Variants in GALNT17 observed in about 807,000 individuals in gnomAD.
GALNT17 encodes the protein UDP-GalNAc:polypeptide N-acetylgalactosaminyltransferase-like 3.
Under a neutral mutation model 63.7 loss-of-function variants are expected in GALNT17, and 29 were observed. The ratio of observed to expected loss-of-function variants is 0.46; its 90% CI spans 0.34 to 0.62. GALNT17 has a LOEUF of 0.62. Ranked by LOEUF, GALNT17 falls within the 20% of genes least tolerant of loss-of-function variation. The pLI, the probability that GALNT17 is intolerant of heterozygous loss-of-function variation, is 0.01. For synonymous variants in GALNT17, 305 were observed against 318.3 expected (o/e 0.96, Z 0.45); for missense variants, 603 against 799.6 (o/e 0.75, Z 2.97).
intron 5 of GALNT17, among the ~76,000 whole-genome samples, chr7:71,455,882 AG>A (rs1787346120): frequency 6.6e-6 from 1 of 152,202 alleles, no homozygotes; most frequent in Non-Finnish European, 1.5e-5. Flanking sequence ...ACCTAATGAA[AG>A]GCAGGGAACC....
At chr7:71,368,659 T>C (rs146387256) in intron 2 of GALNT17, among the ~76,000 whole-genome samples, 2 of 152,290 alleles carry the variant, frequency 1.3e-5, no homozygotes, top group African/African-American at 4.8e-5. Context: ...GCTGTGAGCT[T>C]TTCCAGAATA....
chr7:71,328,352 A>G (rs80077036), intron 1 of GALNT17, among the ~76,000 whole-genome samples: 2,158 of 152,262 alleles, frequency 0.014, 26 homozygotes, highest in Middle Eastern at 0.027. Flanking sequence ...AAGCCACCCC[A>G]TTCTCTTCCT....
intron 5 of GALNT17, among the ~76,000 whole-genome samples, chr7:71,449,108 C>CTTTTTTTTTTTTGTTTTTT (rs1787211684): frequency 1.4e-5 from 1 of 72,754 alleles, no homozygotes; most frequent in Non-Finnish European, 2.3e-5. Flanking sequence ...TGCCTATTTT[C>CTTTTTTTTTTTTGTTTTTT]TTTTTTTTTT....
At chr7:71,507,536 C>G (rs1788287825) in intron 5 of GALNT17, among the ~76,000 whole-genome samples, 1 of 152,202 alleles carries the variant, frequency 6.6e-6, no homozygotes, top group Non-Finnish European at 1.5e-5. Flanking sequence ...AGCACTCACC[C>G]TGGGTCCGCC....
At chr7:71,598,869 G>A (rs73702229) in intron 6 of GALNT17, among the ~76,000 whole-genome samples, 4,754 of 151,718 alleles carry the variant, frequency 0.031, 237 homozygotes, top group African/African-American at 0.11. Context: ...GAACGGGGGG[G>A]ATTGCGTGGT....
chr7:71,317,763 G>A (rs11971711), intron 1 of GALNT17, among the ~76,000 whole-genome samples: 3,019 of 152,274 alleles, frequency 0.02, 88 homozygotes, highest in African/African-American at 0.069. Flanking sequence ...TCTCCAAGAC[G>A]TTGGATTTTA....
chr7:71,554,355 GAC>G (rs1789128602), intron 5 of GALNT17, among the ~76,000 whole-genome samples: 1 of 152,212 alleles, frequency 6.6e-6, no homozygotes, highest in African/African-American at 2.4e-5. Flanking sequence ...CACCATGTAA[GAC>G]GTGACTTTGT....
chr7:71,152,095 A>AT (rs932014603), intron 1 of GALNT17, among the ~76,000 whole-genome samples: 14 of 150,722 alleles, frequency 9.3e-5, no homozygotes, highest in South Asian at 4.2e-4. Flanking sequence ...ATCCACTTTA[A>AT]TTTTTTTTTT....
chr7:71,559,449 C>A (rs1789216794), intron 5 of GALNT17, among the ~76,000 whole-genome samples: 1 of 152,096 alleles, frequency 6.6e-6, no homozygotes, highest in Admixed American at 6.5e-5. Context: ...CTGGGTTGCC[C>A]TTAGTTCTGC....
rs5884839 is a variant in GALNT17, at chr7:71,450,931, CTTT to C, written c.962+29836_962+29838del. 3.9e-4 allele frequency among the ~76,000 whole-genome samples: 57 copies of C among 147,516 alleles called. 1 individual carries two copies. The highest frequency in any genetic ancestry group is 1.3e-3 in the African/African-American group (54 of 40,294). On this transcript the variant is annotated intron_variant, in intron 5 of 10. Coordinates refer to ENST00000333538, the MANE Select transcript of GALNT17 (RefSeq NM_022479.3). Reference sequence around the variant, plus strand: ...GCATGGCGTTTTTCTTTTTTTTATTCTTTTTTTTTTTTATTATACTCTAAGTTC... The same window carrying C: ...GCATGGCGTTTTTCTTTTTTTTATTCTTTTTTTTTATTATACTCTAAGTTC...
intron 6 of GALNT17, among the ~76,000 whole-genome samples, chr7:71,585,127 T>A (rs1453101605): frequency 6.6e-6 from 1 of 152,218 alleles, no homozygotes; most frequent in East Asian, 1.9e-4. Context: ...GTTGATTACT[T>A]CTTCCTTTAT....
chr7:71,171,381 G>C (rs1282133690), intron 1 of GALNT17, among the ~76,000 whole-genome samples: 1 of 152,196 alleles, frequency 6.6e-6, no homozygotes, highest in Non-Finnish European at 1.5e-5. Flanking sequence ...TTAGCCAGGA[G>C]TAGCTGTTAC....
chr7:71,519,377 G>A (rs1788490957), intron 5 of GALNT17, among the ~76,000 whole-genome samples: 1 of 152,176 alleles, frequency 6.6e-6, no homozygotes, highest in Admixed American at 6.5e-5. Context: ...TACACCACAA[G>A]TATCATTTCC....
chr7:71,625,426 G>C (rs915880495), intron 6 of GALNT17, among the ~76,000 whole-genome samples: 18 of 152,086 alleles, frequency 1.2e-4, no homozygotes, highest in Non-Finnish European at 2.6e-4. Context: ...GATTATAGGC[G>C]TGAGCCACCG....
At position 71,440,374 on chromosome 7, in the gene GALNT17, A is replaced by AT. The variant is rs11297830; in HGVS notation, c.962+19287dup. Among the ~76,000 whole-genome samples the AT allele has an allele frequency of 6.0e-4, 74 of 123,254 alleles. 1 individual carries two copies. The highest frequency in any genetic ancestry group is 2.2e-3 in the African/African-American group (73 of 33,500). 80.9% of individuals were successfully genotyped at this position (123,254 alleles called of 152,430 possible). On this transcript the variant is annotated intron_variant, in intron 5 of 10. Transcript: ENST00000333538. ...ACAGTTCAGAACTCTTTCTTTCTTA[A>AT]TTTTTTTTTTTTTTTTTTGAGATGG... is the stretch of plus-strand genomic sequence containing the variant.
At chr7:71,407,074 A>C (rs570415322) in intron 3 of GALNT17, among the ~76,000 whole-genome samples, 4 of 152,306 alleles carry the variant, frequency 2.6e-5, no homozygotes, top group Admixed American at 6.5e-5. Context: ...AGAGAACTGG[A>C]AGTTTCCATT....
intron 5 of GALNT17, among the ~76,000 whole-genome samples, chr7:71,544,124 C>CTTTTTTTTTT (rs60144462): frequency 7.6e-6 from 1 of 132,424 alleles, no homozygotes; most frequent in African/African-American, 2.9e-5. Context: ...TTTCTTTTTT[C>CTTTTTTTTTT]TTTTTTTTTT....
intron 2 of GALNT17, among the ~76,000 whole-genome samples, chr7:71,385,903 T>C (rs1792934463): frequency 6.6e-6 from 1 of 152,072 alleles, no homozygotes; most frequent in South Asian, 2.1e-4. Context: ...CCCATCTCTA[T>C]TAAAAATACA....
intron 2 of GALNT17, among the ~76,000 whole-genome samples, chr7:71,369,811 C>CAAAAAAAAAA (rs763387719): frequency 1.4e-5 from 1 of 72,136 alleles, no homozygotes; most frequent in Non-Finnish European, 2.9e-5. Flanking sequence ...GGCTTTTTGT[C>CAAAAAAAAAA]AAAAAAAAAA....
Sources: allele counts gnomAD v4.1 joint callset (sites outside exome capture counted in the v4.1 genomes callset), GRCh38; gene constraint gnomAD v4.1.1; transcripts MANE v1.5; gene names NCBI Gene and HGNC (gene_info 2026-07-23, HGNC 2026-07-21).